The following KCNQ1OT1 variants were observed in gnomAD, a reference collection of about 807,000 sequenced individuals.
KCNQ1OT1 encodes the protein KCNQ1 antisense RNA 2 (non-protein coding).
chr11:2,657,458 G>T lies in KCNQ1OT1; in HGVS notation n.42537C>A, dbSNP rs1234120971. 1 of 398,330 alleles carries T rather than the reference G, an allele frequency of 2.5e-6. No individual in the cohort carries two copies. The highest frequency in any genetic ancestry group is 4.4e-6 in the Non-Finnish European group (1 of 226,024). 24.7% of individuals were successfully genotyped at this position (398,330 alleles called of 1,614,324 possible). A position where few individuals can be genotyped will look rare whatever the true frequency, so the allele number is the denominator to read the frequency against. On this transcript the variant is annotated non_coding_transcript_exon_variant, in exon 1 of 1. Transcript: ENST00000597346. This position sits in a 1 kb window ranked among gnomAD's most constrained non-coding sequence, Gnocchi z 4.8. Reference sequence around the variant, plus strand: ...ATAATTAATATTCTTTTGTGCTATTGTATACAGGTTCTGTTTTCTCTTGTT... The same window carrying T: ...ATAATTAATATTCTTTTGTGCTATTTTATACAGGTTCTGTTTTCTCTTGTT...
chr11:2,647,777 C>T lies in KCNQ1OT1; in HGVS notation n.52218G>A. ...TTCCTCTAGGTTTTCTAATTGTTGACATATAGTTGTTCATAATGGTCTCTA... is the reference window on the plus strand; with the variant it reads ...TTCCTCTAGGTTTTCTAATTGTTGATATATAGTTGTTCATAATGGTCTCTA... On this transcript the variant is annotated non_coding_transcript_exon_variant, in exon 1 of 1. Transcript: ENST00000597346. The surrounding 1 kb of genome is among the most constrained non-coding windows in gnomAD (Gnocchi z 4.0). 1 of 398,414 alleles carries T rather than the reference C, an allele frequency of 2.5e-6. No individual in the cohort carries two copies. The highest frequency in any genetic ancestry group is 4.4e-6 in the Non-Finnish European group (1 of 226,014). 24.7% of individuals were successfully genotyped at this position (398,414 alleles called of 1,614,324 possible). A position where few individuals can be genotyped will look rare whatever the true frequency, so the allele number is the denominator to read the frequency against.
At chr11:2,684,743 G>A (rs1850455052) in exon 1 of KCNQ1OT1, 1 of 398,626 alleles carries the variant, frequency 2.5e-6, no homozygotes. Flanking sequence ...GGTCTGCCTG[G>A]GAGAAAAGGG....
rs231342 is a variant in KCNQ1OT1 at position 2,657,637 on chromosome 11, A to G, written n.42358T>C. The G allele has an allele frequency of 0.11, 43,347 of 398,546 alleles. 2,613 individuals are homozygous for G. The highest frequency in any genetic ancestry group is 0.16 in the Middle Eastern group (253 of 1,588). The allele number at this position is 398,546 out of a possible 1,614,324, so 24.7% of individuals were successfully genotyped here. ...ATTGGTACACTATTAAGCTAGAGTT[A>G]TAAATTTATTTGGATTTCCCCAGTT... is the stretch of plus-strand genomic sequence containing the variant. On this transcript the variant is annotated non_coding_transcript_exon_variant, in exon 1 of 1. Coordinates refer to ENST00000597346, the Ensembl canonical transcript of KCNQ1OT1. This position sits in a 1 kb window ranked among gnomAD's most constrained non-coding sequence, Gnocchi z 4.8.
chr11:2,620,211 A>ATT lies in KCNQ1OT1; in HGVS notation n.79782_79783dup, dbSNP rs1312458170. On this transcript the variant is annotated non_coding_transcript_exon_variant, in exon 1 of 1. Transcript: ENST00000597346. This position sits in a 1 kb window ranked among gnomAD's most constrained non-coding sequence, Gnocchi z 4.5. ...TAAGTTCATTCATGTATATATATATATTTTTTTTTTTTATTTTTTTTTTAG... is the reference window on the plus strand; with the variant it reads ...TAAGTTCATTCATGTATATATATATATTTTTTTTTTTTTTATTTTTTTTTTAG... 4 of 261,986 alleles carry ATT rather than the reference A, an allele frequency of 1.5e-5. No individual in the cohort carries two copies. The highest frequency in any genetic ancestry group is 2.7e-5 in the Non-Finnish European group (4 of 149,544). 16.2% of individuals were successfully genotyped at this position (261,986 alleles called of 1,614,324 possible).
Position 2,695,222 on chromosome 11 carries a change from A to G in KCNQ1OT1, n.4773T>C, listed in dbSNP as rs1202970107. On this transcript the variant is annotated non_coding_transcript_exon_variant, in exon 1 of 1. Coordinates refer to ENST00000597346, the Ensembl canonical transcript of KCNQ1OT1. This position sits in a 1 kb window ranked among gnomAD's most constrained non-coding sequence, Gnocchi z 5.2. ...CTGTCACCCTGTAAGGGTCTGCATA[A>G]AGTCACCGCTCTCTTCCTCTCCATG... 3 of 398,396 alleles carry G rather than the reference A, an allele frequency of 7.5e-6. No individual in the cohort carries two copies. Among genetic ancestry groups the G allele is most frequent in the African/African-American group, 6.2e-5 (3 of 48,588 alleles). 24.7% of individuals were successfully genotyped at this position (398,396 alleles called of 1,614,324 possible). A position where few individuals can be genotyped will look rare whatever the true frequency, so the allele number is the denominator to read the frequency against.
rs1331232270 is a variant in KCNQ1OT1, at chr11:2,608,561, G to A, written n.91434C>T. 3 of 398,346 alleles carry A rather than the reference G, an allele frequency of 7.5e-6. No individual in the cohort carries two copies. The highest frequency in any genetic ancestry group is 8.8e-6 in the Non-Finnish European group (2 of 226,006). 24.7% of individuals were successfully genotyped at this position (398,346 alleles called of 1,614,324 possible). On this transcript the variant is annotated non_coding_transcript_exon_variant, in exon 1 of 1. Coordinates refer to ENST00000597346, the Ensembl canonical transcript of KCNQ1OT1. This position sits in a 1 kb window ranked among gnomAD's most constrained non-coding sequence, Gnocchi z 4.6. ...TGTAATCATAGCTCACTGTAACCTC[G>A]ATCTCCTAGTCTCAAGTGATCCTTG...
exon 1 of KCNQ1OT1, chr11:2,631,038 G>A: frequency 2.5e-6 from 1 of 398,418 alleles, no homozygotes; most frequent in Non-Finnish European, 4.4e-6. Flanking sequence ...ACATTTTGAT[G>A]GCAATATATC....
exon 1 of KCNQ1OT1, chr11:2,625,949 A>G: frequency 2.5e-6 from 1 of 398,506 alleles, no homozygotes; most frequent in Non-Finnish European, 4.4e-6. Flanking sequence ...TTAATCCCTT[A>G]TCAGGTATGT....
At chr11:2,699,039 G>C (rs1850725688) in exon 1 of KCNQ1OT1, 2 of 398,534 alleles carry the variant, frequency 5.0e-6, no homozygotes, top group East Asian at 7.1e-5. Flanking sequence ...TTCCGACTCC[G>C]GTCCCAATTC....
At position 2,658,038 on chromosome 11, in the gene KCNQ1OT1, G is replaced by T; in HGVS notation, n.41957C>A. On this transcript the variant is annotated non_coding_transcript_exon_variant, in exon 1 of 1. Transcript: ENST00000597346. This position sits in a 1 kb window ranked among gnomAD's most constrained non-coding sequence, Gnocchi z 4.9. ...TTTCCATAGCTTAGTCTTTAGAAGCGAGTCACTAAGTATAGCCCACACTCA... is the reference window on the plus strand; with the variant it reads ...TTTCCATAGCTTAGTCTTTAGAAGCTAGTCACTAAGTATAGCCCACACTCA... 1 of 398,470 alleles carries T rather than the reference G, an allele frequency of 2.5e-6. No individual in the cohort carries two copies. Among genetic ancestry groups the T allele is most frequent in the Non-Finnish European group, 4.4e-6 (1 of 226,022 alleles). 24.7% of individuals were successfully genotyped at this position (398,470 alleles called of 1,614,324 possible).
chr11:2,652,476 C>G lies in KCNQ1OT1; in HGVS notation n.47519G>C, dbSNP rs1590007609. Reference sequence around the variant, plus strand: ...CCATCCAAAGACCTCCAGAAACTTTCCTCCCCACCTCTCCAGAGGTTTCTG... The same window carrying G: ...CCATCCAAAGACCTCCAGAAACTTTGCTCCCCACCTCTCCAGAGGTTTCTG... On this transcript the variant is annotated non_coding_transcript_exon_variant, in exon 1 of 1. Coordinates refer to ENST00000597346, the Ensembl canonical transcript of KCNQ1OT1. This position sits in a 1 kb window ranked among gnomAD's most constrained non-coding sequence, Gnocchi z 5.9. The G allele has an allele frequency of 1.0e-5, 4 of 398,626 alleles. No individual in the cohort carries two copies. The East Asian group carries it at 1.1e-4, about 11-fold the overall frequency. The allele number at this position is 398,626 out of a possible 1,614,324, so 24.7% of individuals were successfully genotyped here. A position where few individuals can be genotyped will look rare whatever the true frequency, so the allele number is the denominator to read the frequency against.
chr11:2,662,770 T>C (rs1185296006), exon 1 of KCNQ1OT1: 6 of 399,082 alleles, frequency 1.5e-5, no homozygotes, highest in Non-Finnish European at 2.6e-5. Context: ...CCGTTGGGGA[T>C]TCCCCTTGAT....
chr11:2,650,427 C>T (rs910267640), exon 1 of KCNQ1OT1: 28 of 398,420 alleles, frequency 7.0e-5, no homozygotes, highest in Middle Eastern at 6.2e-4. Flanking sequence ...TTCCTGTACA[C>T]GCGTCTGTAG....
In KCNQ1OT1 at chr11:2,642,546, A is replaced by C. The variant is rs1310001677; in HGVS notation, n.57449T>G. The C allele has an allele frequency of 2.5e-6, 1 of 397,718 alleles. No individual in the cohort carries two copies. The highest frequency in any genetic ancestry group is 4.4e-6 in the Non-Finnish European group (1 of 225,658). The allele number at this position is 397,718 out of a possible 1,614,324, so 24.6% of individuals were successfully genotyped here. A position where few individuals can be genotyped will look rare whatever the true frequency, so the allele number is the denominator to read the frequency against. On this transcript the variant is annotated non_coding_transcript_exon_variant, in exon 1 of 1. Coordinates refer to ENST00000597346, the Ensembl canonical transcript of KCNQ1OT1. This position sits in a 1 kb window ranked among gnomAD's most constrained non-coding sequence, Gnocchi z 4.3. ...CCCTTTTTCATTTTTGATTTTATTC[A>C]TGTAGGTCTTCTCTCTTTTCTTCTT...
At position 2,645,496 on chromosome 11, in the gene KCNQ1OT1, G is replaced by A; in HGVS notation, n.54499C>T. The A allele has an allele frequency of 2.5e-6, 1 of 398,698 alleles. No homozygotes were observed. Among genetic ancestry groups the A allele is most frequent in the Non-Finnish European group, 4.4e-6 (1 of 226,158 alleles). 24.7% of individuals were successfully genotyped at this position (398,698 alleles called of 1,614,324 possible). A position where few individuals can be genotyped will look rare whatever the true frequency, so the allele number is the denominator to read the frequency against. ...TACCCTGCTGAATGCTCATGTTGGG[G>A]CAGCAGCAACTCTATTGCAGCCCTA... On this transcript the variant is annotated non_coding_transcript_exon_variant, in exon 1 of 1. Transcript: ENST00000597346. This position sits in a 1 kb window ranked among gnomAD's most constrained non-coding sequence, Gnocchi z 5.8.
exon 1 of KCNQ1OT1, chr11:2,632,173 A>T (rs994975576): frequency 2.8e-6 from 1 of 361,156 alleles, no homozygotes; most frequent in African/African-American, 2.7e-5. Context: ...ACAGACCAAG[A>T]CTCTGCCTCA....
At chr11:2,640,613 A>G in exon 1 of KCNQ1OT1, 2 of 392,388 alleles carry the variant, frequency 5.1e-6, no homozygotes, top group Non-Finnish European at 4.4e-6. Context: ...TACATGTGCT[A>G]TTGTTACATG....
chr11:2,630,300 A>T (rs1300702426), exon 1 of KCNQ1OT1: 2 of 398,260 alleles, frequency 5.0e-6, no homozygotes, highest in Non-Finnish European at 8.9e-6. Flanking sequence ...TGTGCTGTTA[A>T]ATTCAGTTTG....
At chr11:2,646,343 A>T (rs1268012441) in exon 1 of KCNQ1OT1, 2 of 398,456 alleles carry the variant, frequency 5.0e-6, no homozygotes, top group Non-Finnish European at 8.8e-6. Context: ...TGAGCATGGG[A>T]TGTCTCAAAA....
Sources: allele counts gnomAD v4.1 joint callset, GRCh38; gene constraint gnomAD v4.1.1; non-coding constraint Gnocchi (gnomAD v3.1); transcripts MANE v1.5; gene names NCBI Gene and HGNC (gene_info 2026-07-23, HGNC 2026-07-21).